Variants in ELAVL2 observed in about 807,000 individuals in gnomAD.
ELAVL2 encodes the protein ELAV like RNA binding protein 2, also known as ELAV-like protein 2.
A neutral mutation model predicts 34.6 loss-of-function variants in ELAVL2; 4 were observed. That is an observed-to-expected ratio of 0.12 (90% CI 0.06 to 0.26). The LOEUF is 0.26. Ranked by LOEUF, ELAVL2 falls within the 10% of genes least tolerant of loss-of-function variation. The pLI is 1.00. For missense variants in ELAVL2, 432 were observed against 442.8 expected (o/e 0.98, Z 0.22); for synonymous variants, 193 against 154.8 (o/e 1.25, Z -1.83).
intron 1 of ELAVL2, among the ~76,000 whole-genome samples, chr9:23,824,673 C>CT (rs1298472522): frequency 6.6e-6 from 1 of 152,206 alleles, no homozygotes; most frequent in Non-Finnish European, 1.5e-5. Context: ...CATCCTCCCC[C>CT]TTTCCCACAT....
chr9:23,762,378 A>G, intron 1 of ELAVL2, 129 bp from the exon 2 acceptor site: 3 of 1,224,222 alleles, frequency 2.5e-6, no homozygotes, highest in East Asian at 2.4e-5. Context: ...TGCTTCAACA[A>G]AAAGTGTAAT....
chr9:23,711,829 C>T (rs1045257641), intron 3 of ELAVL2, among the ~76,000 whole-genome samples: 2 of 152,176 alleles, frequency 1.3e-5, no homozygotes, highest in Non-Finnish European at 2.9e-5. Context: ...CTACCACACA[C>T]TCACTGTAAT....
intron 3 of ELAVL2, among the ~76,000 whole-genome samples, chr9:23,707,648 G>C (rs2039759464): frequency 6.6e-6 from 1 of 152,156 alleles, no homozygotes; most frequent in Admixed American, 6.5e-5. Context: ...CTCAAAACTA[G>C]GTTTAATTCA....
At position 23,789,251 on chromosome 9, in the gene ELAVL2, G is replaced by A. The variant is rs551630629; in HGVS notation, c.-15-27002C>T. On this transcript the variant is annotated intron_variant, in intron 1 of 6. Transcript: ENST00000397312. The stretch of plus-strand genomic sequence containing the variant: ...TGACCCTCTATATCAGTCTAGGCCA[G>A]TGCCCAGACACTAGACGCAGCCACA... Among the ~76,000 whole-genome samples, 22 of 152,268 alleles carry A rather than the reference G, an allele frequency of 1.4e-4. No individual in the cohort carries two copies. The South Asian group carries it at 4.6e-3, about 32-fold the overall frequency.
chr9:23,700,874 C>T (rs1309043603), intron 5 of ELAVL2, among the ~76,000 whole-genome samples: 1 of 142,134 alleles, frequency 7.0e-6, no homozygotes, highest in African/African-American at 2.6e-5. Context: ...AGAATAAAAT[C>T]CTTTAAGAAA....
chr9:23,724,951 T>C (rs2044693649), intron 3 of ELAVL2, among the ~76,000 whole-genome samples: 1 of 152,136 alleles, frequency 6.6e-6, no homozygotes, highest in Non-Finnish European at 1.5e-5. Context: ...AGGCCTGTTC[T>C]TCCAACTATT....
At chr9:23,744,324 C>T (rs1373009857) in intron 2 of ELAVL2, among the ~76,000 whole-genome samples, 3 of 152,066 alleles carry the variant, frequency 2.0e-5, no homozygotes, top group East Asian at 1.9e-4. Context: ...GTACACCACT[C>T]GAAGAAATGA....
At chr9:23,847,937 C>G in the ELAVL2 span, among the ~76,000 whole-genome samples, 19 of 151,970 alleles carry the variant, frequency 1.3e-4, no homozygotes, top group Admixed American at 3.3e-4. Flanking sequence ...TAGGTAAAAA[C>G]TAAGTAAATC....
the ELAVL2 span, among the ~76,000 whole-genome samples, chr9:23,843,373 T>C: frequency 6.6e-6 from 1 of 152,004 alleles, no homozygotes; most frequent in Non-Finnish European, 1.5e-5. Context: ...CAGAGCAAAA[T>C]GCATAATGAT....
intron 3 of ELAVL2, among the ~76,000 whole-genome samples, chr9:23,723,187 A>G (rs563146160): frequency 1.8e-4 from 28 of 152,332 alleles, no homozygotes; most frequent in Admixed American, 4.6e-4. Flanking sequence ...TCCAACAATG[A>G]TAGACTGGAT....
rs1242945626 is a variant in ELAVL2 at position 23,690,401 on chromosome 9, CTTA to C, written c.*2153_*2155del. 3.9e-5 allele frequency: 6 copies of C among 152,410 alleles called. No homozygotes were observed. The East Asian group carries it at 1.2e-3, about 29-fold the overall frequency. 9.4% of individuals were successfully genotyped at this position (152,410 alleles called of 1,614,324 possible). A position where few individuals can be genotyped will look rare whatever the true frequency, so the allele number is the denominator to read the frequency against. ...GCTGCTGTTTTCCCTTGAGGGAAAC[CTTA>C]TTATTTTTTTTTAAGTATATACATG... is the stretch of plus-strand genomic sequence containing the variant. On this transcript the variant is annotated 3_prime_UTR_variant, in exon 7 of 7. Transcript: ENST00000397312.
intron 3 of ELAVL2, among the ~76,000 whole-genome samples, chr9:23,720,015 C>T (rs375579107): frequency 6.6e-6 from 1 of 151,448 alleles, no homozygotes; most frequent in Non-Finnish European, 1.5e-5. Context: ...TAAGTAGAGA[C>T]GTGGTTTCAC....
intron 3 of ELAVL2, among the ~76,000 whole-genome samples, chr9:23,720,179 C>CT (rs139066116): frequency 0.11 from 15,557 of 147,004 alleles, 1,137 homozygotes; most frequent in East Asian, 0.22. Context: ...ACCCTTTCAC[C>CT]TTTTTTTTTT....
chr9:23,693,490 C>T lies in ELAVL2; in HGVS notation c.714-4G>A. On this transcript the variant is annotated splice_region_variant and splice_polypyrimidine_tract_variant and intron_variant, in intron 5 of 6. Transcript: ENST00000397312. ...CATATTGAGCAGATTGTCCAACCTG[C>T]AAAACACACATTTAGCAAACTTCAG... is the stretch of plus-strand genomic sequence containing the variant. 6.2e-7 allele frequency: 1 copy of T among 1,614,106 alleles called. No homozygotes were observed.
chr9:23,813,624 T>C (rs187681587), intron 1 of ELAVL2, among the ~76,000 whole-genome samples: 5 of 152,026 alleles, frequency 3.3e-5, no homozygotes, highest in Admixed American at 2.0e-4. Context: ...CTACTCCCAA[T>C]GGGGACAGTT....
intron 1 of ELAVL2, among the ~76,000 whole-genome samples, chr9:23,785,596 A>G (rs1351232019): frequency 6.6e-6 from 1 of 152,218 alleles, no homozygotes. Context: ...AATTGAAGCC[A>G]CTATAGCTCA....
At position 23,762,160 on chromosome 9, in the gene ELAVL2, A is replaced by AAAG. The variant is rs1410318857; in HGVS notation, c.74_75insCTT (p.Cys25_Ser26insPhe). 6.2e-7 allele frequency: 1 copy of AAAG among 1,613,652 alleles called. No individual in the cohort carries two copies. The highest frequency in any genetic ancestry group is 2.2e-5 in the East Asian group (1 of 44,872). On this transcript the variant is annotated inframe_insertion, in exon 2 of 7. Coordinates refer to ENST00000397312, the MANE Select transcript of ELAVL2 (RefSeq NM_004432.5). ...TGTTCCCAGAGTCAACTGGTGACGA[A>AAAG]CAGTTGTTGTTTATGGTGGTTGGAC...
chr9:23,810,927 A>G (rs1315334602), intron 1 of ELAVL2, among the ~76,000 whole-genome samples: 2 of 152,250 alleles, frequency 1.3e-5, no homozygotes, highest in African/African-American at 2.4e-5. Flanking sequence ...CTATCTTCCT[A>G]ATGGTAAGTC....
chr9:23,777,094 AT>A (rs2058327361), intron 1 of ELAVL2, among the ~76,000 whole-genome samples: 3 of 152,198 alleles, frequency 2.0e-5, no homozygotes, highest in Non-Finnish European at 1.5e-5. Context: ...TAACATGTAA[AT>A]TGCTTAGCAG....
Sources: allele counts gnomAD v4.1 joint callset (sites outside exome capture counted in the v4.1 genomes callset), GRCh38; gene constraint gnomAD v4.1.1; transcripts MANE v1.5; gene names NCBI Gene and HGNC (gene_info 2026-07-23, HGNC 2026-07-21).